Variants in NAV3 observed in about 807,000 individuals in gnomAD.
NAV3 encodes pore membrane and/or filament interacting like protein 1.
In NAV3, 87 loss-of-function variants were observed where a neutral mutation model predicts 244.7. That is an observed-to-expected ratio of 0.36 (90% CI 0.30 to 0.42). The LOEUF (loss-of-function observed/expected upper bound fraction) is 0.42, where lower values mean the gene tolerates loss of function less well. Among genes scored for constraint, NAV3 ranks in the 20% least tolerant of loss-of-function variants. The pLI is 1.00. For missense variants in NAV3, 2,663 were observed against 2,893.3 expected, an observed-to-expected ratio of 0.92 and a Z score of 1.83; for synonymous variants, 1,126 against 1,042.2, an observed-to-expected ratio of 1.08 and a Z score of -1.55.
intron 12 of NAV3, among the ~76,000 whole-genome samples, chr12:78,096,580 T>C (rs1954262444): frequency 6.6e-6 from 1 of 152,130 alleles, no homozygotes; most frequent in African/African-American, 2.4e-5. Flanking sequence ...ACATCTTACA[T>C]GGCTGCAGAC....
intron 2 of NAV3, among the ~76,000 whole-genome samples, chr12:77,778,680 A>T (rs1358500211): frequency 6.6e-6 from 1 of 152,048 alleles, no homozygotes. Context: ...TTTTTTTAAT[A>T]AAGCAAGAGC....
intron 9 of NAV3, among the ~76,000 whole-genome samples, chr12:78,043,288 T>G (rs1259709250): frequency 6.6e-6 from 1 of 152,232 alleles, no homozygotes; most frequent in African/African-American, 2.4e-5. Context: ...TGCATAGTAT[T>G]CCATGGTGTA....
At chr12:78,171,633 T>G (rs1323857482) in intron 24 of NAV3, among the ~76,000 whole-genome samples, 1 of 151,550 alleles carries the variant, frequency 6.6e-6, no homozygotes, top group Non-Finnish European at 1.5e-5. Flanking sequence ...GAACACAAAG[T>G]GATTCTTATC....
chr12:77,864,184 T>A (rs954591717), intron 1 of NAV3, among the ~76,000 whole-genome samples: 4 of 151,842 alleles, frequency 2.6e-5, no homozygotes, highest in African/African-American at 9.7e-5. Flanking sequence ...CTTATTTATA[T>A]TTTCTTTCTT....
chr12:78,174,802 T>C (rs1958151097), intron 24 of NAV3, among the ~76,000 whole-genome samples: 1 of 151,990 alleles, frequency 6.6e-6, no homozygotes, highest in South Asian at 2.1e-4. Context: ...ATCTGTGAGA[T>C]TATGTGCTTA....
At chr12:77,763,125 AC>A (rs1210237025) in intron 2 of NAV3, among the ~76,000 whole-genome samples, 1 of 152,030 alleles carries the variant, frequency 6.6e-6, no homozygotes, top group East Asian at 1.9e-4. Context: ...TATAGACTGT[AC>A]CCCTGCCTTC....
At chr12:77,923,076 A>G (rs1262944659) in intron 1 of NAV3, among the ~76,000 whole-genome samples, 1 of 151,966 alleles carries the variant, frequency 6.6e-6, no homozygotes, top group East Asian at 1.9e-4. Flanking sequence ...AATAAACCAT[A>G]ATTTGATAAT....
intron 1 of NAV3, among the ~76,000 whole-genome samples, chr12:77,854,999 C>T (rs1410094966): frequency 1.3e-5 from 2 of 151,962 alleles, no homozygotes; most frequent in East Asian, 1.9e-4. Flanking sequence ...TGGTGGCGGG[C>T]GCCTGTAGTC....
chr12:78,037,574 A>G (rs1880126900), intron 9 of NAV3, among the ~76,000 whole-genome samples: 1 of 151,966 alleles, frequency 6.6e-6, no homozygotes, highest in Admixed American at 6.6e-5. Flanking sequence ...AAACTGAGCT[A>G]TGAGCACCAC....
At chr12:77,739,467 T>A (rs1302165088) in intron 2 of NAV3, among the ~76,000 whole-genome samples, 2 of 152,176 alleles carry the variant, frequency 1.3e-5, no homozygotes, top group Non-Finnish European at 1.5e-5. Context: ...ATTCTGTGTA[T>A]CTCTAGCATT....
intron 2 of NAV3, among the ~76,000 whole-genome samples, chr12:77,744,130 TAAGA>T (rs1055022565): frequency 3.3e-5 from 5 of 152,048 alleles, no homozygotes; most frequent in East Asian, 3.9e-4. Flanking sequence ...TTTTTCAAAA[TAAGA>T]AAGAAAGCTA....
At chr12:78,048,869 G>A (rs771272603) in intron 9 of NAV3, among the ~76,000 whole-genome samples, 29 of 152,296 alleles carry the variant, frequency 1.9e-4, no homozygotes, top group Non-Finnish European at 3.5e-4. Context: ...AGTTTTATCT[G>A]TAAGCCCCTG....
At chr12:78,109,172 A>T (rs996698165) in intron 12 of NAV3, among the ~76,000 whole-genome samples, 14 of 152,104 alleles carry the variant, frequency 9.2e-5, no homozygotes, top group African/African-American at 3.4e-4. Context: ...TATTATTAAC[A>T]ACTATATGCT....
At chr12:77,838,382 C>CTTTA (rs1555212748) in intron 1 of NAV3, among the ~76,000 whole-genome samples, 1 of 152,100 alleles carries the variant, frequency 6.6e-6, no homozygotes, top group Non-Finnish European at 1.5e-5. Flanking sequence ...TTAGTTCATG[C>CTTTA]TTTACAGTGT....
chr12:77,940,041 G>A (rs1222236957), intron 1 of NAV3, among the ~76,000 whole-genome samples: 1 of 152,094 alleles, frequency 6.6e-6, no homozygotes, highest in African/African-American at 2.4e-5. Context: ...ATTTGCAATG[G>A]GAGTTTCCTC....
chr12:78,155,487 G>A (rs1412527111), intron 22 of NAV3, among the ~76,000 whole-genome samples: 1 of 152,092 alleles, frequency 6.6e-6, no homozygotes, highest in Non-Finnish European at 1.5e-5. Flanking sequence ...CATAATGCAT[G>A]CAGGTATCTT....
chr12:78,135,787 A>G (rs1240132511), intron 18 of NAV3, among the ~76,000 whole-genome samples: 1 of 152,168 alleles, frequency 6.6e-6, no homozygotes, highest in Non-Finnish European at 1.5e-5. Flanking sequence ...TATGCTTGAA[A>G]GATAGGCAGA....
intron 22 of NAV3, among the ~76,000 whole-genome samples, chr12:78,156,494 C>T (rs935375941): frequency 2.0e-5 from 3 of 152,074 alleles, no homozygotes; most frequent in Non-Finnish European, 4.4e-5. Flanking sequence ...ATACTCTTTA[C>T]AATCCCGATT....
intron 1 of NAV3, among the ~76,000 whole-genome samples, chr12:77,890,004 G>A (rs2136729131): frequency 6.6e-6 from 1 of 152,300 alleles, no homozygotes; most frequent in Admixed American, 6.5e-5. Context: ...AAACCAGTAG[G>A]TGAGGGAAAT....
Sources: allele counts gnomAD v4.1 joint callset (sites outside exome capture counted in the v4.1 genomes callset), GRCh38; gene constraint gnomAD v4.1.1; transcripts MANE v1.5; gene names NCBI Gene and HGNC (gene_info 2026-07-23, HGNC 2026-07-21).